Variants in ATP8A1 observed in about 807,000 individuals in gnomAD.
The protein encoded by ATP8A1 is ATPase phospholipid transporting 8A1.
ATP8A1 carries 90 observed loss-of-function variants against 177.7 expected under a neutral mutation model. That is an observed-to-expected ratio of 0.51 (90% CI 0.43 to 0.60). The LOEUF is 0.60. Among genes scored for constraint, ATP8A1 ranks in the 20% least tolerant of loss-of-function variants. The pLI, the probability that ATP8A1 is intolerant of heterozygous loss-of-function variation, is 0.00. For missense variants in ATP8A1, 1,072 were observed against 1,392.8 expected, an observed-to-expected ratio of 0.77 and a Z score of 3.67; for synonymous variants, 493 against 485.9, an observed-to-expected ratio of 1.01 and a Z score of -0.19.
rs530410347 is a variant in ATP8A1, at chr4:42,615,984, C to T, written c.409+49G>A. 1.4e-4 allele frequency: 208 copies of T among 1,533,198 alleles called. No individual in the cohort carries two copies. In the South Asian group the frequency reaches 2.3e-3, roughly 17 times the overall value. The allele number at this position is 1,533,198 out of a possible 1,614,324, so 95.0% of individuals were successfully genotyped here. A position where few individuals can be genotyped will look rare whatever the true frequency, so the allele number is the denominator to read the frequency against. On this transcript the variant is annotated intron_variant, in intron 5 of 36. Transcript: ENST00000381668. ...TATGTAATTGAAGTGTTTGTATATA[C>T]TACAAGTAGGTTTGACAAATATGAG...
intron 33 of ATP8A1, 98 bp downstream of exon 33, chr4:42,443,467 A>T: frequency 1.7e-6 from 1 of 603,096 alleles, no homozygotes; most frequent in Non-Finnish European, 3.0e-6. Flanking sequence ...TTTTAATATA[A>T]ATCAACAAGA....
chr4:42,538,029 C>A (rs1295324286), intron 20 of ATP8A1, among the ~76,000 whole-genome samples: 1 of 151,998 alleles, frequency 6.6e-6, no homozygotes, highest in Admixed American at 6.6e-5. Flanking sequence ...TATATAAGGC[C>A]ATAGTCACCA....
chr4:42,464,923 T>C lies in ATP8A1; in HGVS notation c.2478A>G (p.Ala826=), dbSNP rs1167685884. The C allele has an allele frequency of 6.2e-7, 1 of 1,614,242 alleles. No individual in the cohort carries two copies. The highest frequency in any genetic ancestry group is 1.1e-5 in the South Asian group (1 of 91,086). The change falls in exon 26 of 37, where the codon GCA becomes GCG. Residue 826 remains alanine, a synonymous_variant. Transcript: ENST00000381668. ...VGISGNEGLQ[A]ANSSDYSIAQ... ...CTATGGAGTAGTCAGAGGAATTAGCTGCCTGCAGGCCTTCATTGCCACTGA... is the reference window on the plus strand; with the variant it reads ...CTATGGAGTAGTCAGAGGAATTAGCCGCCTGCAGGCCTTCATTGCCACTGA...
chr4:42,488,434 C>A (rs1241717110), intron 24 of ATP8A1, among the ~76,000 whole-genome samples: 1 of 152,092 alleles, frequency 6.6e-6, no homozygotes, highest in African/African-American at 2.4e-5. Context: ...CAGACAGTAC[C>A]AGGCGCAGCA....
At chr4:42,423,469 T>C in intron 34 of ATP8A1, 148 bp downstream of exon 34, 1 of 459,120 alleles carries the variant, frequency 2.2e-6, no homozygotes, top group Non-Finnish European at 3.8e-6. Flanking sequence ...TTCTAGTTCC[T>C]GAATCACCCC....
At chr4:42,622,855 C>T (rs1366307892) in intron 4 of ATP8A1, among the ~76,000 whole-genome samples, 2 of 151,902 alleles carry the variant, frequency 1.3e-5, no homozygotes, top group Non-Finnish European at 2.9e-5. Context: ...ACTAATAATA[C>T]AAAATTAGCT....
chr4:42,578,481 A>G, intron 11 of ATP8A1, 94 bp from the exon 12 acceptor site: 1 of 1,365,154 alleles, frequency 7.3e-7, no homozygotes, highest in Non-Finnish European at 1.0e-6. Context: ...CATACTACGC[A>G]GCTTATTTGA....
At chr4:42,577,991 T>A (rs1375614654) in intron 12 of ATP8A1, among the ~76,000 whole-genome samples, 1 of 152,112 alleles carries the variant, frequency 6.6e-6, no homozygotes, top group African/African-American at 2.4e-5. Context: ...AGAACCATAA[T>A]TCAGACACTT....
At chr4:42,424,088 A>C (rs921455726) in intron 33 of ATP8A1, among the ~76,000 whole-genome samples, 3 of 152,140 alleles carry the variant, frequency 2.0e-5, no homozygotes, top group African/African-American at 7.2e-5. Context: ...TTTGGCTAAC[A>C]TTAGGTAGTA....
In ATP8A1 at chr4:42,440,222, A is replaced by ATC. The variant is rs1716469521; in HGVS notation, c.3123+3341_3123+3342dup. The stretch of plus-strand genomic sequence containing the variant: ...TGCCCTCCGGGCCCCACACACCATG[A>ATC]TCTCTCACCTGTTTTACTGGAATAG... On this transcript the variant is annotated intron_variant, in intron 33 of 36. Coordinates refer to ENST00000381668, the MANE Select transcript of ATP8A1 (RefSeq NM_006095.2). Among the ~76,000 whole-genome samples the ATC allele has an allele frequency of 3.9e-5, 6 of 152,054 alleles. No homozygotes were observed. The South Asian group carries it at 1.2e-3, about 32-fold the overall frequency.
At chr4:42,512,249 T>G (rs1002101616) in intron 22 of ATP8A1, among the ~76,000 whole-genome samples, 1 of 152,206 alleles carries the variant, frequency 6.6e-6, no homozygotes, top group Non-Finnish European at 1.5e-5. Flanking sequence ...TGAGATTAGA[T>G]GAAAATTAGA....
chr4:42,522,307 A>G lies in ATP8A1; in HGVS notation c.1808-8T>C. 2 of 1,612,672 alleles carry G rather than the reference A, an allele frequency of 1.2e-6. No individual in the cohort carries two copies. Among genetic ancestry groups the G allele is most frequent in the Non-Finnish European group, 1.7e-6 (2 of 1,179,644 alleles). On this transcript the variant is annotated splice_polypyrimidine_tract_variant and splice_region_variant and intron_variant, in intron 21 of 36. Coordinates refer to ENST00000381668, the MANE Select transcript of ATP8A1 (RefSeq NM_006095.2). The stretch of plus-strand genomic sequence containing the variant: ...AACATAAAGTTCTTAACCCTGAAAA[A>G]GATAGCATACATCACCCCAACACAC...
rs748536968 is a variant in ATP8A1, at chr4:42,608,363, AT to A, written c.409+7669del. Among the ~76,000 whole-genome samples, 305 of 138,470 alleles carry A rather than the reference AT, an allele frequency of 2.2e-3. 1 individual carries two copies. The highest frequency in any genetic ancestry group is 7.5e-3 in the Middle Eastern group (2 of 268). 90.8% of individuals were successfully genotyped at this position (138,470 alleles called of 152,430 possible). ...GGTGCCCTCCCCGGGCAATAATATCATTTTTTTTTTTTTGGAGACAGAGTCT... is the reference window on the plus strand; with the variant it reads ...GGTGCCCTCCCCGGGCAATAATATCATTTTTTTTTTTTGGAGACAGAGTCT... On this transcript the variant is annotated intron_variant, in intron 5 of 36. Transcript: ENST00000381668.
At chr4:42,416,008 G>C (rs1232569540) in intron 35 of ATP8A1, among the ~76,000 whole-genome samples, 2 of 152,110 alleles carry the variant, frequency 1.3e-5, no homozygotes, top group Non-Finnish European at 2.9e-5. Context: ...GCTACATGAA[G>C]GCAAGAAAAC....
At chr4:42,493,307 A>C (rs1176827090) in intron 24 of ATP8A1, among the ~76,000 whole-genome samples, 1 of 152,234 alleles carries the variant, frequency 6.6e-6, no homozygotes, top group East Asian at 1.9e-4. Flanking sequence ...GTAAAGATAA[A>C]CTAATCAAAC....
chr4:42,640,468 G>A (rs1739861773), intron 1 of ATP8A1, among the ~76,000 whole-genome samples: 2 of 152,226 alleles, frequency 1.3e-5, no homozygotes, highest in African/African-American at 4.8e-5. Context: ...TTAACAGACT[G>A]CTTAAAAGGG....
At chr4:42,422,330 T>C (rs1393443160) in intron 35 of ATP8A1, among the ~76,000 whole-genome samples, 1 of 152,192 alleles carries the variant, frequency 6.6e-6, no homozygotes, top group Admixed American at 6.5e-5. Context: ...GACCTTGTTA[T>C]CTGCCCGCCT....
chr4:42,616,099 GAAC>G (rs771519646), intron 4 of ATP8A1, 21 bp from the exon 5 acceptor site: 22 of 1,602,510 alleles, frequency 1.4e-5, no homozygotes, highest in Middle Eastern at 1.7e-4. Context: ...AAAGCAAAAA[GAAC>G]AACTGTGAAA....
chr4:42,510,940 T>C (rs1385654740), intron 22 of ATP8A1, among the ~76,000 whole-genome samples: 2 of 152,142 alleles, frequency 1.3e-5, no homozygotes, highest in East Asian at 3.8e-4. Flanking sequence ...GTCACACAAG[T>C]AGGTTAACAT....
Sources: gnomAD v4.1 joint callset for allele counts (sites outside exome capture counted in the v4.1 genomes callset) on GRCh38, gnomAD v4.1.1 for gene constraint, MANE v1.5 for transcripts, NCBI Gene and HGNC (gene_info 2026-07-23, HGNC 2026-07-21) for gene names.